The following AVL9 variants were observed in gnomAD, a reference collection of about 807,000 sequenced individuals.
AVL9 encodes the protein AVL9 cell migration associated.
In AVL9, 49 loss-of-function variants were observed where a neutral mutation model predicts 79.2. The ratio of observed to expected loss-of-function variants is 0.62; its 90% CI spans 0.49 to 0.79. AVL9 has a LOEUF of 0.79. AVL9 is among the 30% of genes least tolerant of loss of function. The pLI is 0.00. For synonymous variants in AVL9, 299 were observed against 280.6 expected, an observed-to-expected ratio of 1.07 and a Z score of -0.65; for missense variants, 682 against 776.8, an observed-to-expected ratio of 0.88 and a Z score of 1.45.
chr7:32,529,827 TTAGAAGATGTCCTTA>T (rs1344721484), intron 1 of AVL9, among the ~76,000 whole-genome samples: 7 of 152,216 alleles, frequency 4.6e-5, no homozygotes, highest in Non-Finnish European at 7.3e-5. Flanking sequence ...TTCCAGTGCT[TTAGAAGATGTCCTTA>T]TGCACCCCTT....
rs190261953 is a variant in AVL9, at chr7:32,504,072, T to G, written c.93+8270T>G. On this transcript the variant is annotated intron_variant, in intron 1 of 15. Coordinates refer to ENST00000318709, the MANE Select transcript of AVL9 (RefSeq NM_015060.3). ...GTTAGGCTCCCTTTGGTGGGTGTGA[T>G]GCACTCCCAGAAATTATAATATCTT... Among the ~76,000 whole-genome samples, 832 of 152,312 alleles carry G rather than the reference T, an allele frequency of 5.5e-3. 6 individuals carry two copies. The highest frequency in any genetic ancestry group is 9.0e-3 in the Non-Finnish European group (610 of 68,038).
intron 13 of AVL9, 110 bp downstream of exon 13, chr7:32,576,182 CCTT>C (rs1408894982): frequency 1.4e-6 from 1 of 734,620 alleles, no homozygotes; most frequent in East Asian, 2.7e-5. Flanking sequence ...TCAAGAATCC[CCTT>C]AAGTAGGTCA....
intron 13 of AVL9, 69 bp from the exon 14 acceptor site, chr7:32,580,150 C>A: frequency 8.1e-7 from 1 of 1,233,348 alleles, no homozygotes; most frequent in South Asian, 1.3e-5. Flanking sequence ...CTAATATTTT[C>A]TTGTGATAAC....
chr7:32,576,019 C>T lies in AVL9; in HGVS notation c.1635C>T (p.Asn545=). Residue 545 remains asparagine (N), a synonymous_variant, in exon 13 of 16, where the codon AAC becomes AAT. Coordinates refer to ENST00000318709, the MANE Select transcript of AVL9 (RefSeq NM_015060.3). ...TTACAGCATGGAAGAATACTCACAA[C>T]TACAGGGTGTGGAACAGCAACAAGC... ...TFVTAWKNTH[N]YRVWNSNKHP... is the part of the protein sequence containing the mutation. 1 of 1,614,098 alleles carries T rather than the reference C, an allele frequency of 6.2e-7. No individual in the cohort carries two copies. The highest frequency in any genetic ancestry group is 8.5e-7 in the Non-Finnish European group (1 of 1,179,980).
At chr7:32,568,791 TTTGTTA>T (rs1790696137) in intron 10 of AVL9, among the ~76,000 whole-genome samples, 2 of 152,314 alleles carry the variant, frequency 1.3e-5, no homozygotes, top group South Asian at 4.1e-4. Context: ...ACTTTTTAGT[TTTGTTA>T]TTATTATGAA....
At chr7:32,501,978 G>A (rs1787147778) in intron 1 of AVL9, among the ~76,000 whole-genome samples, 1 of 151,952 alleles carries the variant, frequency 6.6e-6, no homozygotes, top group Non-Finnish European at 1.5e-5. Context: ...TTCTCCCTAG[G>A]ATATTTTTAG....
intron 1 of AVL9, among the ~76,000 whole-genome samples, chr7:32,503,560 G>GAAA (rs70992722): frequency 0.18 from 22,264 of 123,342 alleles, 2,394 homozygotes; most frequent in South Asian, 0.28. Context: ...CGTCTCAAGG[G>GAAA]AAAAAAAAAA....
intron 8 of AVL9, 111 bp downstream of exon 8, chr7:32,554,707 C>A: frequency 1.5e-6 from 1 of 676,902 alleles, no homozygotes; most frequent in South Asian, 3.9e-5. Flanking sequence ...ATACTTTTTG[C>A]CTATCATTGT....
intron 1 of AVL9, among the ~76,000 whole-genome samples, chr7:32,530,067 C>T (rs1788581961): frequency 6.6e-6 from 1 of 152,122 alleles, no homozygotes; most frequent in Non-Finnish European, 1.5e-5. Context: ...ACAAATAAGA[C>T]AAAACACATT....
chr7:32,528,883 G>A (rs1008523448), intron 1 of AVL9, among the ~76,000 whole-genome samples: 5 of 152,012 alleles, frequency 3.3e-5, no homozygotes, highest in Non-Finnish European at 5.9e-5. Flanking sequence ...GGTGGCGGGC[G>A]CCTGTAGTCC....
At chr7:32,533,878 C>T (rs1316812190) in intron 1 of AVL9, 1 of 152,192 alleles carries the variant, frequency 6.6e-6, no homozygotes, top group African/African-American at 2.4e-5. Flanking sequence ...GTATGGTTCT[C>T]TGGCAGTGGA....
intron 1 of AVL9, among the ~76,000 whole-genome samples, chr7:32,542,879 A>G (rs1789279350): frequency 6.6e-6 from 1 of 152,168 alleles, no homozygotes; most frequent in Non-Finnish European, 1.5e-5. Flanking sequence ...CAGTTCAATC[A>G]CCAACCCCAC....
rs755694265 is a variant in AVL9, at chr7:32,544,701, G to GT, written c.228dup (p.His77SerfsTer22). 6.2e-7 allele frequency: 1 copy of GT among 1,612,996 alleles called. No homozygotes were observed. The highest frequency in any genetic ancestry group is 8.5e-7 in the Non-Finnish European group (1 of 1,179,214). On this transcript the variant is annotated frameshift_variant, in exon 3 of 16. Coordinates refer to ENST00000318709, the MANE Select transcript of AVL9 (RefSeq NM_015060.3). LOFTEE classifies it high-confidence loss of function. ...TTTCTATGTATCTCTTAGATACTGT[G>GT]TTTTTTCACTTGCCACCCAGAAATG...
chr7:32,535,663 AT>A (rs1788873682), intron 1 of AVL9: 1 of 152,156 alleles, frequency 6.6e-6, no homozygotes, highest in Admixed American at 6.5e-5. Flanking sequence ...TGATCCCCAA[AT>A]TTGATTTAGA....
intron 14 of AVL9, 81 bp from the exon 15 acceptor site, chr7:32,580,721 G>T (rs1223244176): frequency 2.3e-6 from 2 of 857,006 alleles, no homozygotes; most frequent in Non-Finnish European, 1.9e-6. Flanking sequence ...TATTGTGTGT[G>T]TGTCTATATG....
intron 4 of AVL9, among the ~76,000 whole-genome samples, chr7:32,550,553 C>T (rs1445028325): frequency 6.6e-6 from 1 of 152,094 alleles, no homozygotes; most frequent in East Asian, 1.9e-4. Context: ...GAAAGAGACT[C>T]TTCCAGTATT....
At chr7:32,557,613 A>G (rs889116337) in intron 8 of AVL9, among the ~76,000 whole-genome samples, 5 of 152,182 alleles carry the variant, frequency 3.3e-5, no homozygotes, top group East Asian at 1.9e-4. Flanking sequence ...TCAGGACATG[A>G]TATCAGGAGG....
Position 32,495,813 on chromosome 7 carries a change from G to A in AVL9, c.93+11G>A. 8.0e-7 allele frequency: 1 copy of A among 1,255,614 alleles called. No homozygotes were observed. The highest frequency in any genetic ancestry group is 1.0e-6 in the Non-Finnish European group (1 of 990,700). 77.8% of individuals were successfully genotyped at this position (1,255,614 alleles called of 1,614,324 possible). A position where few individuals can be genotyped will look rare whatever the true frequency, so the allele number is the denominator to read the frequency against. On this transcript the variant is annotated intron_variant, in intron 1 of 15. Coordinates refer to ENST00000318709, the MANE Select transcript of AVL9 (RefSeq NM_015060.3). ...AAGAAGGGCTGCCAGGTGAGGAAAG[G>A]GCCCGCCCCCGCCCCCAGCCGTTCG...
Position 32,587,747 on chromosome 7 carries a change from A to G in AVL9, c.*3840A>G, listed in dbSNP as rs1377112179. On this transcript the variant is annotated 3_prime_UTR_variant, in exon 16 of 16. Transcript: ENST00000318709. ...ATTCCCCGAGGATGATTGTCATTCCATGCAGCATAATGTGCCGTGAGGAGT... is the reference window on the plus strand; with the variant it reads ...ATTCCCCGAGGATGATTGTCATTCCGTGCAGCATAATGTGCCGTGAGGAGT... 1.3e-5 allele frequency: 2 copies of G among 152,238 alleles called. No homozygotes were observed. Among genetic ancestry groups the G allele is most frequent in the Non-Finnish European group, 2.9e-5 (2 of 68,050 alleles). The allele number at this position is 152,238 out of a possible 1,614,324, so 9.4% of individuals were successfully genotyped here. A position where few individuals can be genotyped will look rare whatever the true frequency, so the allele number is the denominator to read the frequency against.
Sources: gnomAD v4.1 joint callset for allele counts (sites outside exome capture counted in the v4.1 genomes callset) on GRCh38, gnomAD v4.1.1 for gene constraint, MANE v1.5 for transcripts, NCBI Gene and HGNC (gene_info 2026-07-23, HGNC 2026-07-21) for gene names.